Variants in DGKB observed in about 807,000 individuals in gnomAD.
DGKB encodes the protein 90 kDa diacylglycerol kinase.
In DGKB, 67 loss-of-function variants were observed where a neutral mutation model predicts 114.3. The observed-to-expected ratio is 0.59, with a 90% CI of 0.48 to 0.72. The LOEUF is 0.72. Ranked by LOEUF, DGKB falls within the 30% of genes least tolerant of loss-of-function variation. The probability of loss-of-function intolerance (pLI) is 0.00; values close to 1 mark genes in which losing one functional copy is unlikely to be tolerated. For synonymous variants in DGKB, 398 were observed against 323.1 expected, an observed-to-expected ratio of 1.23 and a Z score of -2.49; for missense variants, 907 against 975.2, an observed-to-expected ratio of 0.93 and a Z score of 0.93.
intron 21 of DGKB, among the ~76,000 whole-genome samples, chr7:14,363,844 T>C (rs968649896): frequency 5.9e-5 from 9 of 152,064 alleles, no homozygotes; most frequent in Admixed American, 4.6e-4. Context: ...ATCTACACTC[T>C]TAGAGTGGAA....
chr7:14,972,048 T>C (rs4997211), intron 1 of DGKB, among the ~76,000 whole-genome samples: 74,125 of 151,896 alleles, frequency 0.49, 19,074 homozygotes, highest in East Asian at 0.82. Context: ...GCCTGACCTA[T>C]TGAAGGCATT....
chr7:14,486,621 G>T (rs369359559), intron 20 of DGKB, among the ~76,000 whole-genome samples: 1 of 152,140 alleles, frequency 6.6e-6, no homozygotes. Context: ...GAGGGCAAGG[G>T]AACTTTGCTG....
At chr7:14,894,893 A>G (rs960362181) in intron 1 of DGKB, among the ~76,000 whole-genome samples, 2 of 151,628 alleles carry the variant, frequency 1.3e-5, no homozygotes, top group African/African-American at 4.8e-5. Flanking sequence ...TGTGTAACAA[A>G]GAAGAAATCT....
chr7:14,909,936 G>A (rs570113527), intron 1 of DGKB, among the ~76,000 whole-genome samples: 3 of 152,262 alleles, frequency 2.0e-5, no homozygotes, highest in Non-Finnish European at 4.4e-5. Flanking sequence ...GCTGGGCACA[G>A]TGGTTCACAC....
chr7:14,514,921 G>A (rs12531250), intron 20 of DGKB, among the ~76,000 whole-genome samples: 21,198 of 151,974 alleles, frequency 0.14, 1,959 homozygotes, highest in East Asian at 0.45. Context: ...GTGGTAGTCC[G>A]CAGTCCTAGT....
At position 14,438,461 on chromosome 7, in the gene DGKB, A is replaced by G. The variant is rs114873873; in HGVS notation, c.1835+39700T>C. Among the ~76,000 whole-genome samples, 627 of 152,236 alleles carry G rather than the reference A, an allele frequency of 4.1e-3. 5 individuals carry two copies. The highest frequency in any genetic ancestry group is 0.015 in the African/African-American group (609 of 41,558). ...AAACACAGACTCTCTCATTAAAGAGATATTGTCAAGCCTGAGTTTGATTAT... is the reference window on the plus strand; with the variant it reads ...AAACACAGACTCTCTCATTAAAGAGGTATTGTCAAGCCTGAGTTTGATTAT... On this transcript the variant is annotated intron_variant, in intron 21 of 25. Coordinates refer to ENST00000402815, the MANE Select transcript of DGKB (RefSeq NM_001350709.2).
intron 23 of DGKB, among the ~76,000 whole-genome samples, chr7:14,307,256 C>G (rs773688842): frequency 1.3e-5 from 2 of 152,090 alleles, no homozygotes; most frequent in Non-Finnish European, 2.9e-5. Flanking sequence ...ATACCTCTTT[C>G]TAATTTCTAA....
At chr7:14,327,935 C>T (rs1809037932) in intron 23 of DGKB, among the ~76,000 whole-genome samples, 1 of 152,078 alleles carries the variant, frequency 6.6e-6, no homozygotes, top group South Asian at 2.1e-4. Flanking sequence ...TAGCTTATTT[C>T]ATGGCAAAAA....
At chr7:14,857,993 T>C (rs1381310128) in intron 1 of DGKB, among the ~76,000 whole-genome samples, 2 of 152,182 alleles carry the variant, frequency 1.3e-5, no homozygotes, top group Non-Finnish European at 2.9e-5. Context: ...TGAACCTTTA[T>C]AATTAATGCT....
intron 13 of DGKB, among the ~76,000 whole-genome samples, chr7:14,643,895 CA>C (rs1812359896): frequency 6.6e-6 from 1 of 152,118 alleles, no homozygotes; most frequent in Non-Finnish European, 1.5e-5. Flanking sequence ...CTGACCTCTC[CA>C]ATAGTGGGGC....
chr7:14,907,272 C>T (rs1783759082), upstream of DGKB, among the ~76,000 whole-genome samples: 1 of 152,208 alleles, frequency 6.6e-6, no homozygotes, highest in African/African-American at 2.4e-5. Flanking sequence ...AAATAGATCA[C>T]CATCACTAAT....
intron 1 of DGKB, among the ~76,000 whole-genome samples, chr7:14,897,408 CTATT>C (rs1462496118): frequency 6.6e-6 from 1 of 151,780 alleles, no homozygotes; most frequent in Non-Finnish European, 1.5e-5. Flanking sequence ...ATATGATTCA[CTATT>C]TATGAGCTAT....
intron 22 of DGKB, among the ~76,000 whole-genome samples, chr7:14,343,101 T>C (rs1271028412): frequency 6.7e-6 from 1 of 149,774 alleles, no homozygotes; most frequent in Non-Finnish European, 1.5e-5. Context: ...ATTCTGCTAA[T>C]ATGATAGACA....
intron 2 of DGKB, among the ~76,000 whole-genome samples, chr7:14,764,614 C>G (rs987309595): frequency 1.4e-4 from 21 of 151,828 alleles, no homozygotes; most frequent in African/African-American, 4.4e-4. Flanking sequence ...TTATATGCAG[C>G]TGAGATGGAA....
intron 13 of DGKB, among the ~76,000 whole-genome samples, chr7:14,662,286 G>C (rs1817286781): frequency 6.6e-6 from 1 of 151,712 alleles, no homozygotes; most frequent in Non-Finnish European, 1.5e-5. Flanking sequence ...AAAAAAAAGT[G>C]AGATAAATAA....
intron 25 of DGKB, among the ~76,000 whole-genome samples, chr7:14,154,841 A>T (rs1192485529): frequency 1.4e-5 from 2 of 140,434 alleles, no homozygotes; most frequent in Non-Finnish European, 3.1e-5. Flanking sequence ...AAGTCTATAC[A>T]TTCTGCTTTT....
intron 1 of DGKB, among the ~76,000 whole-genome samples, chr7:14,862,133 TCC>T (rs924703707): frequency 6.6e-6 from 1 of 151,562 alleles, no homozygotes. Flanking sequence ...TTATTTTCTT[TCC>T]CCCCCAGCTT....
intron 21 of DGKB, among the ~76,000 whole-genome samples, chr7:14,358,033 T>G (rs1814926563): frequency 6.6e-6 from 1 of 152,188 alleles, no homozygotes; most frequent in Non-Finnish European, 1.5e-5. Context: ...CATTTTTTCC[T>G]TCATTTCAAC....
chr7:14,376,088 G>A (rs1158990831), intron 21 of DGKB, among the ~76,000 whole-genome samples: 1 of 152,174 alleles, frequency 6.6e-6, no homozygotes, highest in Admixed American at 6.5e-5. Flanking sequence ...GACTAGAAGT[G>A]ACTCTCTCCT....
Sources: gnomAD v4.1 joint callset for allele counts (sites outside exome capture counted in the v4.1 genomes callset) on GRCh38, gnomAD v4.1.1 for gene constraint, MANE v1.5 for transcripts, NCBI Gene and HGNC (gene_info 2026-07-23, HGNC 2026-07-21) for gene names.